The following ALPK1 variants were observed in gnomAD, a reference collection of about 807,000 sequenced individuals.
ALPK1 encodes the protein alpha-protein kinase 1.
ALPK1 carries 110 observed loss-of-function variants against 120.6 expected under a neutral mutation model. The ratio of observed to expected loss-of-function variants is 0.91; its 90% CI spans 0.78 to 1.07. ALPK1 has a LOEUF of 1.07. ALPK1 is among the 50% of genes least tolerant of loss of function. The pLI, the probability that ALPK1 is intolerant of heterozygous loss-of-function variation, is 0.00. For synonymous variants in ALPK1, 582 were observed against 560.3 expected, an observed-to-expected ratio of 1.04 and a Z score of -0.55; for missense variants, 1,498 against 1,483.9, an observed-to-expected ratio of 1.01 and a Z score of -0.16.
At chr4:112,374,123 T>A (rs1212834599) in intron 2 of ALPK1, among the ~76,000 whole-genome samples, 3 of 152,248 alleles carry the variant, frequency 2.0e-5, no homozygotes, top group Non-Finnish European at 2.9e-5. Context: ...TCACCCATGG[T>A]AGAACTTCTT....
At chr4:112,329,877 C>A (rs918863894) in intron 2 of ALPK1, among the ~76,000 whole-genome samples, 2 of 152,150 alleles carry the variant, frequency 1.3e-5, no homozygotes, top group Admixed American at 6.5e-5. Context: ...AAATACTGGT[C>A]GAATGAACAG....
intron 1 of ALPK1, among the ~76,000 whole-genome samples, chr4:112,302,947 C>A (rs749237310): frequency 6.6e-6 from 1 of 152,174 alleles, no homozygotes; most frequent in Non-Finnish European, 1.5e-5. Context: ...AGGAGACAAA[C>A]ACAAAGGCTG....
intron 4 of ALPK1, among the ~76,000 whole-genome samples, chr4:112,400,339 C>T (rs1176074083): frequency 6.6e-6 from 1 of 152,168 alleles, no homozygotes; most frequent in Non-Finnish European, 1.5e-5. Flanking sequence ...TAGGTTCCAA[C>T]TCAAGAGGGT....
At chr4:112,322,687 G>A (rs1001079900) in intron 2 of ALPK1, among the ~76,000 whole-genome samples, 21 of 152,016 alleles carry the variant, frequency 1.4e-4, no homozygotes, top group Middle Eastern at 3.2e-3. Flanking sequence ...ACAAAAAATA[G>A]GAAACAATCT....
At chr4:112,432,974 A>G (rs536234120) in intron 11 of ALPK1, among the ~76,000 whole-genome samples, 23 of 152,304 alleles carry the variant, frequency 1.5e-4, no homozygotes, top group African/African-American at 5.5e-4. Flanking sequence ...GCTGGATACC[A>G]TATTATCTGC....
chr4:112,437,236 A>T (rs1734825507), intron 12 of ALPK1, among the ~76,000 whole-genome samples: 1 of 152,138 alleles, frequency 6.6e-6, no homozygotes, highest in South Asian at 2.1e-4. Flanking sequence ...TTCAGAGACA[A>T]TGGAAGTCAT....
chr4:112,389,705 A>G (rs1732319223), intron 4 of ALPK1, among the ~76,000 whole-genome samples: 1 of 152,164 alleles, frequency 6.6e-6, no homozygotes, highest in South Asian at 2.1e-4. Flanking sequence ...TGATGCCTTT[A>G]CCTGAGACAG....
chr4:112,359,742 C>A, intron 2 of ALPK1: 1 of 352,684 alleles, frequency 2.8e-6, no homozygotes. Flanking sequence ...TGAGTGGGGC[C>A]TCTAGGACGT....
intron 2 of ALPK1, among the ~76,000 whole-genome samples, chr4:112,340,510 A>G (rs1729813257): frequency 6.6e-6 from 1 of 152,234 alleles, no homozygotes. Context: ...TCACTCAAAA[A>G]TCTCTTACTA....
At chr4:112,336,106 A>G (rs1009399410) in intron 2 of ALPK1, among the ~76,000 whole-genome samples, 1 of 152,210 alleles carries the variant, frequency 6.6e-6, no homozygotes, top group African/African-American at 2.4e-5. Context: ...TACCTACAAT[A>G]ATGTCTGGCA....
intron 2 of ALPK1, among the ~76,000 whole-genome samples, chr4:112,335,151 G>A (rs947614615): frequency 6.6e-6 from 1 of 152,062 alleles, no homozygotes; most frequent in African/African-American, 2.4e-5. Context: ...TGGCACTTGG[G>A]AGGCTGAGGC....
chr4:112,316,516 G>A (rs1015719587), intron 2 of ALPK1, among the ~76,000 whole-genome samples: 6 of 152,150 alleles, frequency 3.9e-5, no homozygotes, highest in African/African-American at 1.4e-4. Context: ...TCTTTTGGGT[G>A]TATGTAGAAG....
At chr4:112,310,387 A>G (rs900830947) in intron 1 of ALPK1, among the ~76,000 whole-genome samples, 4 of 152,124 alleles carry the variant, frequency 2.6e-5, no homozygotes, top group Admixed American at 6.5e-5. Flanking sequence ...TAACAAAACA[A>G]CACACCCTGA....
At chr4:112,345,045 T>G (rs1379831243) in intron 2 of ALPK1, among the ~76,000 whole-genome samples, 1 of 152,250 alleles carries the variant, frequency 6.6e-6, no homozygotes, top group African/African-American at 2.4e-5. Flanking sequence ...GCTGTTTAAT[T>G]TTTTAATTCT....
intron 2 of ALPK1, among the ~76,000 whole-genome samples, chr4:112,316,781 T>C (rs1728653469): frequency 6.6e-6 from 1 of 152,166 alleles, no homozygotes; most frequent in African/African-American, 2.4e-5. Context: ...TTTGGAGAAA[T>C]GTCTATTCAA....
chr4:112,413,722 T>C (rs1370543589), intron 5 of ALPK1, among the ~76,000 whole-genome samples: 1 of 152,152 alleles, frequency 6.6e-6, no homozygotes, highest in African/African-American at 2.4e-5. Flanking sequence ...CCTGACCCGG[T>C]TTCCTTTTTT....
At chr4:112,383,969 A>G (rs1425895754) in intron 4 of ALPK1, 1 of 152,204 alleles carries the variant, frequency 6.6e-6, no homozygotes, top group Non-Finnish European at 1.5e-5. Flanking sequence ...ATTTTGTGTA[A>G]TTTAGTGAAT....
Position 112,440,919 on chromosome 4 carries a change from T to A in ALPK1, c.3541T>A (p.Trp1181Arg). Reference sequence around the variant, plus strand: ...AGGTGTGTTCATTTCTCTTTTAGGTTGGGTAACCGGTAATGGAAAAGGACT... The same window carrying A: ...AGGTGTGTTCATTTCTCTTTTAGGTAGGGTAACCGGTAATGGAAAAGGACT... The part of the protein sequence containing the change: ...HRDVVVDLQG[W>R]VTGNGKGLIY... Residue 1181 changes from tryptophan (W) to arginine (R), a missense_variant and splice_region_variant, in exon 15 of 16, where the codon TGG (tryptophan) becomes AGG (arginine). Coordinates refer to ENST00000650871, the MANE Select transcript of ALPK1 (RefSeq NM_025144.4). The A allele has an allele frequency of 1.2e-6, 2 of 1,608,768 alleles. No individual in the cohort carries two copies. The highest frequency in any genetic ancestry group is 2.2e-5 in the South Asian group (2 of 90,182).
At chr4:112,356,075 C>A in intron 2 of ALPK1, 1 of 994,632 alleles carries the variant, frequency 1.0e-6, no homozygotes, top group Non-Finnish European at 1.6e-6. Context: ...GTTTTTTTCT[C>A]ACAGACCCGA....
Sources: gnomAD v4.1 joint callset for allele counts (sites outside exome capture counted in the v4.1 genomes callset) on GRCh38, gnomAD v4.1.1 for gene constraint, MANE v1.5 for transcripts, NCBI Gene and HGNC (gene_info 2026-07-23, HGNC 2026-07-21) for gene names.